The following HHAT variants were observed in gnomAD, a reference collection of about 807,000 sequenced individuals.
HHAT encodes protein-cysteine N-palmitoyltransferase HHAT.
Under a neutral mutation model 70.8 loss-of-function variants are expected in HHAT, and 47 were observed. That is an observed-to-expected ratio of 0.66 (90% CI 0.53 to 0.85). The LOEUF is 0.85. Ranked by LOEUF, HHAT falls within the 40% of genes least tolerant of loss-of-function variation. The pLI, the probability that HHAT is intolerant of heterozygous loss-of-function variation, is 0.00. For synonymous variants in HHAT, 228 were observed against 247.6 expected, an observed-to-expected ratio of 0.92 and a Z score of 0.74; for missense variants, 609 against 604.8, an observed-to-expected ratio of 1.01 and a Z score of -0.07.
At chr1:210,443,471 C>A (rs1241049916) in intron 7 of HHAT, among the ~76,000 whole-genome samples, 1 of 145,700 alleles carries the variant, frequency 6.9e-6, no homozygotes, top group Non-Finnish European at 1.5e-5. Flanking sequence ...TTCTTCCTAC[C>A]CATGAGCATG....
At chr1:210,650,098 G>A (rs1674829674) in intron 11 of HHAT, among the ~76,000 whole-genome samples, 1 of 152,208 alleles carries the variant, frequency 6.6e-6, no homozygotes, top group Admixed American at 6.5e-5. Flanking sequence ...GCTGAGGACT[G>A]GGATATTGAA....
chr1:210,591,746 T>C (rs1185633489), intron 10 of HHAT, among the ~76,000 whole-genome samples: 2 of 152,158 alleles, frequency 1.3e-5, no homozygotes, highest in Non-Finnish European at 2.9e-5. Flanking sequence ...GGACAGATAA[T>C]ATCTTATTGT....
chr1:210,669,860 C>G (rs1679729997), intron 11 of HHAT, among the ~76,000 whole-genome samples: 1 of 152,164 alleles, frequency 6.6e-6, no homozygotes, highest in African/African-American at 2.4e-5. Context: ...GGGAGAGAGA[C>G]AGAGACAGAG....
intron 9 of HHAT, among the ~76,000 whole-genome samples, chr1:210,547,243 T>C (rs1449877783): frequency 2.0e-5 from 3 of 152,170 alleles, no homozygotes; most frequent in Non-Finnish European, 4.4e-5. Flanking sequence ...GCAGAATTGC[T>C]TGAACCCGGG....
rs115151774 is a variant in HHAT, at chr1:210,350,566, T to G, written c.91+1500T>G. Among the ~76,000 whole-genome samples the G allele has an allele frequency of 5.5e-3, 831 of 152,372 alleles. 9 individuals carry two copies. The highest frequency in any genetic ancestry group is 0.019 in the African/African-American group (801 of 41,592). ...TGATATTGTTTTAAATTTCAAATTC[T>G]ACTTATTTCATTGCTGATATATAGG... On this transcript the variant is annotated intron_variant, in intron 2 of 11. Coordinates refer to ENST00000261458, the MANE Select transcript of HHAT (RefSeq NM_018194.6).
At chr1:210,633,523 G>A (rs1203702406) in intron 11 of HHAT, among the ~76,000 whole-genome samples, 1 of 152,198 alleles carries the variant, frequency 6.6e-6, no homozygotes, top group East Asian at 1.9e-4. Flanking sequence ...GAAGGCAGGT[G>A]AGCAGAAACA....
chr1:210,401,138 G>C (rs1305085930), intron 5 of HHAT, among the ~76,000 whole-genome samples: 3 of 152,144 alleles, frequency 2.0e-5, no homozygotes, highest in African/African-American at 7.2e-5. Context: ...TGTAGAGACG[G>C]AGTCTTGCTC....
intron 9 of HHAT, among the ~76,000 whole-genome samples, chr1:210,541,282 T>C (rs2095428454): frequency 6.6e-6 from 1 of 152,224 alleles, no homozygotes; most frequent in Non-Finnish European, 1.5e-5. Flanking sequence ...GAGTATCATG[T>C]TTAGCCACTT....
chr1:210,579,002 T>C (rs567861548), intron 9 of HHAT, among the ~76,000 whole-genome samples: 1 of 152,312 alleles, frequency 6.6e-6, no homozygotes, highest in Admixed American at 6.5e-5. Flanking sequence ...ATCATGTCCT[T>C]TGCAAGAACA....
rs1660928744 is a variant in HHAT, at chr1:210,588,292, G to T, written c.1245+193G>T. On this transcript the variant is annotated intron_variant, in intron 10 of 11. Transcript: ENST00000261458. ...GTGCATATATGTGTGTTTGTGCATG[G>T]GTGTGTGTGTGTATATATAACTATA... The T allele has an allele frequency of 1.8e-5, 10 of 563,278 alleles. No individual in the cohort carries two copies. In the Admixed American group the frequency reaches 2.7e-4, roughly 15 times the overall value. The allele number at this position is 563,278 out of a possible 1,614,324, so 34.9% of individuals were successfully genotyped here. A position where few individuals can be genotyped will look rare whatever the true frequency, so the allele number is the denominator to read the frequency against.
chr1:210,653,198 A>G (rs1444174257), intron 11 of HHAT, among the ~76,000 whole-genome samples: 3 of 152,214 alleles, frequency 2.0e-5, no homozygotes, highest in African/African-American at 7.2e-5. Context: ...AATAGGAAGG[A>G]ACAGTGTGTG....
chr1:210,582,445 A>T (rs905753588), intron 9 of HHAT, among the ~76,000 whole-genome samples: 1 of 152,132 alleles, frequency 6.6e-6, no homozygotes, highest in Non-Finnish European at 1.5e-5. Flanking sequence ...CTTCATCTTC[A>T]TACTTTGTTG....
intron 7 of HHAT, among the ~76,000 whole-genome samples, chr1:210,458,455 C>T (rs1302156567): frequency 6.6e-6 from 1 of 152,134 alleles, no homozygotes; most frequent in Non-Finnish European, 1.5e-5. Context: ...GAAAGCTGAA[C>T]CACATTATGT....
chr1:210,618,654 G>A (rs778460657), intron 10 of HHAT, among the ~76,000 whole-genome samples: 1 of 152,192 alleles, frequency 6.6e-6, no homozygotes, highest in East Asian at 1.9e-4. Flanking sequence ...TGAGTGAGGG[G>A]CTGGCAAGCC....
intron 11 of HHAT, among the ~76,000 whole-genome samples, chr1:210,646,057 C>T (rs1004261112): frequency 3.3e-5 from 5 of 152,194 alleles, no homozygotes; most frequent in African/African-American, 1.2e-4. Context: ...AACTCACCCC[C>T]GTGCTTCAGC....
chr1:210,653,340 T>C (rs1484367128), intron 11 of HHAT, among the ~76,000 whole-genome samples: 1 of 152,008 alleles, frequency 6.6e-6, no homozygotes, highest in Non-Finnish European at 1.5e-5. Flanking sequence ...CCCAGGAGTT[T>C]GAGACCAGCC....
At chr1:210,415,716 T>C (rs2092700592) in intron 6 of HHAT, among the ~76,000 whole-genome samples, 1 of 152,048 alleles carries the variant, frequency 6.6e-6, no homozygotes, top group Admixed American at 6.5e-5. Flanking sequence ...TGGAGCGCAG[T>C]GGTACAGTCT....
At chr1:210,490,846 A>C (rs1342800907) in intron 8 of HHAT, among the ~76,000 whole-genome samples, 1 of 152,104 alleles carries the variant, frequency 6.6e-6, no homozygotes, top group Non-Finnish European at 1.5e-5. Flanking sequence ...CAAAGTAGAG[A>C]TTTTTACTTT....
At chr1:210,609,197 TC>T (rs1431061236) in intron 10 of HHAT, among the ~76,000 whole-genome samples, 1 of 152,176 alleles carries the variant, frequency 6.6e-6, no homozygotes, top group African/African-American at 2.4e-5. Context: ...CTCCTTTTGT[TC>T]AAAATTTAGG....
Sources: gnomAD v4.1 joint callset for allele counts (sites outside exome capture counted in the v4.1 genomes callset) on GRCh38, gnomAD v4.1.1 for gene constraint, MANE v1.5 for transcripts, NCBI Gene and HGNC (gene_info 2026-07-23, HGNC 2026-07-21) for gene names.